The following EYS variants were observed in gnomAD, a reference collection of about 807,000 sequenced individuals.
EYS encodes protein eyes shut homolog.
A neutral mutation model predicts 282.1 loss-of-function variants in EYS; 250 were observed. That is an observed-to-expected ratio of 0.89 (90% CI 0.80 to 0.98). The LOEUF is 0.98. EYS is among the 50% of genes least tolerant of loss of function. EYS has a pLI of 0.00. For missense variants in EYS, 4,016 were observed against 3,709.0 expected (o/e 1.08, Z -2.15); for synonymous variants, 1,355 against 1,282.9 (o/e 1.06, Z -1.20).
chr6:64,789,752 T>G (rs996754389), intron 22 of EYS, among the ~76,000 whole-genome samples: 3 of 152,054 alleles, frequency 2.0e-5, no homozygotes, highest in African/African-American at 7.2e-5. Flanking sequence ...CTTTAAAGAA[T>G]CCTTGTGTCT....
chr6:64,943,048 G>A (rs1048691458), intron 15 of EYS, among the ~76,000 whole-genome samples: 9 of 152,074 alleles, frequency 5.9e-5, no homozygotes, highest in African/African-American at 1.4e-4. Flanking sequence ...GGATGAAACT[G>A]TTTCACCAAA....
At chr6:64,482,003 G>A (rs1776450795) in intron 26 of EYS, among the ~76,000 whole-genome samples, 1 of 151,694 alleles carries the variant, frequency 6.6e-6, no homozygotes, top group South Asian at 2.1e-4. Context: ...CAACGGAGGT[G>A]AGGTGAGCTC....
intron 5 of EYS, among the ~76,000 whole-genome samples, chr6:65,476,236 A>G (rs9351507): frequency 0.39 from 59,485 of 151,894 alleles, 11,852 homozygotes; most frequent in Middle Eastern, 0.48. Flanking sequence ...AATAAACTCT[A>G]TTAAAGATGC....
chr6:65,130,497 G>A (rs1201258902), intron 12 of EYS, among the ~76,000 whole-genome samples: 1 of 151,898 alleles, frequency 6.6e-6, no homozygotes, highest in East Asian at 1.9e-4. Context: ...CATGTCCTTT[G>A]TAGGGACTTG....
In EYS at chr6:64,703,410, C is replaced by CACACACACACAT. The variant is rs1447947508; in HGVS notation, c.3444-77166_3444-77165insATGTGTGTGTGT. On this transcript the variant is annotated intron_variant, in intron 22 of 42. Transcript: ENST00000503581. ...ACACACACACACACACACACACACACATATATATATATATATATATTTTTT... is the reference window on the plus strand; with the variant it reads ...ACACACACACACACACACACACACACACACACACACATATATATATATATATATATATTTTTT... Among the ~76,000 whole-genome samples the CACACACACACAT allele has an allele frequency of 1.3e-3, 68 of 51,526 alleles. 3 individuals are homozygous for CACACACACACAT. The highest frequency in any genetic ancestry group is 0.019 in the Middle Eastern group (1 of 54). 33.8% of individuals were successfully genotyped at this position (51,526 alleles called of 152,430 possible). A position where few individuals can be genotyped will look rare whatever the true frequency, so the allele number is the denominator to read the frequency against.
intron 31 of EYS, among the ~76,000 whole-genome samples, chr6:64,210,087 A>G (rs1398115871): frequency 6.6e-6 from 1 of 152,170 alleles, no homozygotes. Context: ...TACATATCAT[A>G]AACTTTAAGA....
At chr6:64,624,014 C>A (rs1302609543) in intron 23 of EYS, among the ~76,000 whole-genome samples, 1 of 152,096 alleles carries the variant, frequency 6.6e-6, no homozygotes, top group Non-Finnish European at 1.5e-5. Context: ...GTGTCAATAG[C>A]ATTTTCCAAA....
At chr6:63,897,331 T>G (rs1283974527) in intron 35 of EYS, among the ~76,000 whole-genome samples, 1 of 152,214 alleles carries the variant, frequency 6.6e-6, no homozygotes, top group Non-Finnish European at 1.5e-5. Flanking sequence ...CAGTTGTGAT[T>G]AAGTTAAAAA....
At chr6:65,341,599 C>CATCCCAT (rs1770202209) in intron 10 of EYS, among the ~76,000 whole-genome samples, 4 of 151,166 alleles carry the variant, frequency 2.6e-5, no homozygotes, top group African/African-American at 9.7e-5. Context: ...CATTTTCATG[C>CATCCCAT]TTCTGGGATT....
chr6:63,864,960 A>T (rs1447582366), intron 35 of EYS, among the ~76,000 whole-genome samples: 1 of 152,200 alleles, frequency 6.6e-6, no homozygotes, highest in African/African-American at 2.4e-5. Flanking sequence ...AAGCATTCTC[A>T]AGAGGGAGAA....
At chr6:63,779,031 T>G (rs557866505) in intron 39 of EYS, 3 of 151,988 alleles carry the variant, frequency 2.0e-5, no homozygotes, top group African/African-American at 7.2e-5. Context: ...TAAATAAACT[T>G]TCTCCAGTTT....
chr6:63,753,146 A>ATATATATATATATATATATG (rs1554166862), intron 41 of EYS, among the ~76,000 whole-genome samples: 207 of 104,034 alleles, frequency 2.0e-3, no homozygotes, highest in African/African-American at 8.4e-3. Context: ...GTGTGTATAT[A>ATATATATATATATATATATG]TATATATATA....
At chr6:64,381,313 A>C (rs1351597339) in intron 29 of EYS, among the ~76,000 whole-genome samples, 1 of 152,104 alleles carries the variant, frequency 6.6e-6, no homozygotes, top group East Asian at 1.9e-4. Flanking sequence ...TTATCCCTGT[A>C]CTGATTTCTA....
rs190145351 is a variant in EYS, at chr6:64,006,182, T to C, written c.6726-6999A>G. Among the ~76,000 whole-genome samples the C allele has an allele frequency of 4.4e-3, 667 of 152,216 alleles. 6 individuals are homozygous for C. Among genetic ancestry groups the C allele is most frequent in the South Asian group, 0.012 (56 of 4,820 alleles). On this transcript the variant is annotated intron_variant, in intron 33 of 42. Coordinates refer to ENST00000503581, the MANE Select transcript of EYS (RefSeq NM_001142800.2). ...TGTAATTCTCCTTGTAGGGATCTTT[T>C]ACCTCACTGGTTAGCTGTATTCTTA...
intron 29 of EYS, among the ~76,000 whole-genome samples, chr6:64,340,585 G>T (rs910516841): frequency 2.6e-5 from 4 of 151,772 alleles, no homozygotes; most frequent in Admixed American, 2.0e-4. Context: ...ATGGATTAAA[G>T]ATTTAAATAT....
At chr6:64,165,302 G>A (rs1437371464) in intron 31 of EYS, among the ~76,000 whole-genome samples, 1 of 152,030 alleles carries the variant, frequency 6.6e-6, no homozygotes, top group Admixed American at 6.6e-5. Context: ...TTGCAGTATA[G>A]TATAGTAATT....
chr6:64,075,507 G>A lies in EYS; in HGVS notation c.6571+6349C>T, dbSNP rs1463096947. On this transcript the variant is annotated intron_variant, in intron 32 of 42. Coordinates refer to ENST00000503581, the MANE Select transcript of EYS (RefSeq NM_001142800.2). ...AATACACAACTCTTAGAGGAAATGG[G>A]TCTTCTTCATTTGGGTGAAATGAAT... Among the ~76,000 whole-genome samples the A allele has an allele frequency of 2.6e-5, 4 of 151,994 alleles. No homozygotes were observed. In the East Asian group the frequency reaches 7.7e-4, roughly 29 times the overall value.
At chr6:65,294,832 C>A (rs1027808336) in intron 12 of EYS, among the ~76,000 whole-genome samples, 1 of 151,840 alleles carries the variant, frequency 6.6e-6, no homozygotes, top group African/African-American at 2.4e-5. Context: ...AATGCTAGCA[C>A]ATTTATGCAA....
In EYS at chr6:64,537,114, G is replaced by C. The variant is rs1215595363; in HGVS notation, c.5644+53109C>G. On this transcript the variant is annotated intron_variant, in intron 26 of 42. Transcript: ENST00000503581. ...GCTGGTGCGCTGCACCCACTAACTC[G>C]TCATCTAGCATTAGGTATAACTCCC... 1.5e-3 allele frequency among the ~76,000 whole-genome samples: 218 copies of C among 149,058 alleles called. 1 individual carries two copies. The highest frequency in any genetic ancestry group is 5.0e-3 in the African/African-American group (201 of 40,346).
Sources: allele counts gnomAD v4.1 joint callset (sites outside exome capture counted in the v4.1 genomes callset), GRCh38; gene constraint gnomAD v4.1.1; transcripts MANE v1.5; gene names NCBI Gene and HGNC (gene_info 2026-07-23, HGNC 2026-07-21).